PIK3R3: variants seen among roughly 807,000 people sequenced by gnomAD.
PIK3R3 encodes phosphatidylinositol 3-kinase regulatory subunit gamma.
In PIK3R3, 64 loss-of-function variants were observed where a neutral mutation model predicts 62.9. That is an observed-to-expected ratio of 1.02 (90% CI 0.83 to 1.25). The LOEUF (loss-of-function observed/expected upper bound fraction) is 1.25, where lower values mean the gene tolerates loss of function less well. Among genes scored for constraint, PIK3R3 ranks in the 50% most tolerant of loss-of-function variants. The pLI, the probability that PIK3R3 is intolerant of heterozygous loss-of-function variation, is 0.00. For missense variants in PIK3R3, 614 were observed against 561.6 expected, an observed-to-expected ratio of 1.09 and a Z score of -0.94; for synonymous variants, 165 against 189.0, an observed-to-expected ratio of 0.87 and a Z score of 1.04.
chr1:46,071,730 T>TATATATAG lies in PIK3R3; in HGVS notation c.315-4640_315-4639insCTATATAT, dbSNP rs1163343399. Among the ~76,000 whole-genome samples, 74 of 59,056 alleles carry TATATATAG rather than the reference T, an allele frequency of 1.3e-3. 1 individual carries two copies. The highest frequency in any genetic ancestry group is 2.1e-3 in the African/African-American group (26 of 12,680). The allele number at this position is 59,056 out of a possible 152,430, so 38.7% of individuals were successfully genotyped here. A position where few individuals can be genotyped will look rare whatever the true frequency, so the allele number is the denominator to read the frequency against. ...AAAAAAAAATATATATATATATATATAGAGAGAGAGAGAGAGAGAGAGAGA... is the reference window on the plus strand; with the variant it reads ...AAAAAAAAATATATATATATATATATATATATAGAGAGAGAGAGAGAGAGAGAGAGAGA... On this transcript the variant is annotated intron_variant, in intron 3 of 9. Transcript: ENST00000262741.
intron 3 of PIK3R3, among the ~76,000 whole-genome samples, chr1:46,076,990 C>T (rs181866669): frequency 1.3e-5 from 2 of 152,076 alleles, no homozygotes; most frequent in African/African-American, 4.8e-5. Context: ...ATTTCTCATG[C>T]AGTTTTCTTA....
At chr1:46,096,689 CAGTT>C (rs1652154985) in intron 1 of PIK3R3, among the ~76,000 whole-genome samples, 1 of 151,856 alleles carries the variant, frequency 6.6e-6, no homozygotes, top group South Asian at 2.1e-4. Flanking sequence ...CCGAGGTCAA[CAGTT>C]AGAGAGCAGC....
chr1:46,056,872 TA>T, intron 6 of PIK3R3: 1 of 152,208 alleles, frequency 6.6e-6, no homozygotes, highest in East Asian at 1.9e-4. Context: ...ACACAACAGT[TA>T]AGAACAATGG....
the PIK3R3 span, among the ~76,000 whole-genome samples, chr1:46,147,660 C>T: frequency 5.3e-5 from 8 of 150,864 alleles, no homozygotes; most frequent in East Asian, 2.0e-4. Flanking sequence ...CTCCTGACCT[C>T]GTGATCCGCC....
intron 3 of PIK3R3, among the ~76,000 whole-genome samples, chr1:46,072,626 A>G (rs1204835792): frequency 1.3e-5 from 2 of 152,226 alleles, no homozygotes; most frequent in Non-Finnish European, 2.9e-5. Context: ...ACCATTTTCC[A>G]GATAAATAAG....
At chr1:46,105,247 T>TA (rs1392399358) in intron 1 of PIK3R3, 3 of 353,574 alleles carry the variant, frequency 8.5e-6, no homozygotes, top group African/African-American at 6.3e-5. Context: ...CTCACACCTG[T>TA]AATCCCAGAA....
chr1:46,052,070 G>A (rs953193641), intron 7 of PIK3R3, among the ~76,000 whole-genome samples: 2 of 151,932 alleles, frequency 1.3e-5, no homozygotes, highest in African/African-American at 2.4e-5. Context: ...CCCGGGAGGC[G>A]GAGCTTGCAG....
chr1:46,073,316 T>C (rs1649720766), intron 3 of PIK3R3, among the ~76,000 whole-genome samples: 2 of 152,204 alleles, frequency 1.3e-5, no homozygotes, highest in South Asian at 4.1e-4. Flanking sequence ...AATTTTTCAA[T>C]TGAGTGACTG....
At chr1:46,162,091 C>CAAA in the PIK3R3 span, among the ~76,000 whole-genome samples, 2 of 58,106 alleles carry the variant, frequency 3.4e-5, no homozygotes, top group East Asian at 8.6e-4. Flanking sequence ...GACTCCGTCT[C>CAAA]AAAAAAAAAA....
chr1:46,167,529 T>C, the PIK3R3 span, among the ~76,000 whole-genome samples: 2 of 152,142 alleles, frequency 1.3e-5, no homozygotes, highest in Non-Finnish European at 2.9e-5. Flanking sequence ...GTGTCTTGGA[T>C]TAAAGGAAAC....
At chr1:46,137,401 C>T (rs868370590), upstream of PIK3R3, among the ~76,000 whole-genome samples, 1 of 152,216 alleles carries the variant, frequency 6.6e-6, no homozygotes, top group Middle Eastern at 3.2e-3. Flanking sequence ...TGATCTCTAA[C>T]CATGTGCAGG....
chr1:46,110,808 A>T (rs1653675270), intron 1 of PIK3R3, among the ~76,000 whole-genome samples: 1 of 151,428 alleles, frequency 6.6e-6, no homozygotes, highest in African/African-American at 2.4e-5. Flanking sequence ...GTGGAATTTT[A>T]CTGAGACACA....
chr1:46,079,547 C>T (rs1389771037), intron 2 of PIK3R3, among the ~76,000 whole-genome samples: 1 of 152,148 alleles, frequency 6.6e-6, no homozygotes, highest in Non-Finnish European at 1.5e-5. Context: ...ATGTTAAGTA[C>T]CCACAAATAT....
chr1:46,101,323 A>G lies in PIK3R3; in HGVS notation c.107-20573T>C, dbSNP rs770182348. On this transcript the variant is annotated intron_variant, in intron 1 of 9. Coordinates refer to ENST00000262741, the MANE Select transcript of PIK3R3 (RefSeq NM_003629.4). The stretch of plus-strand genomic sequence containing the variant: ...ATCCTCACCAACATGGTGAAACCCC[A>G]TCTCTACTAAAAATACAAAAAAAGT... 2.4e-4 allele frequency among the ~76,000 whole-genome samples: 37 copies of G among 151,938 alleles called. 1 individual carries two copies. The highest frequency in any genetic ancestry group is 3.4e-3 in the Middle Eastern group (1 of 294).
chr1:46,057,832 G>A (rs1214692463), intron 6 of PIK3R3, among the ~76,000 whole-genome samples: 1 of 152,128 alleles, frequency 6.6e-6, no homozygotes, highest in Non-Finnish European at 1.5e-5. Context: ...TTTGCAGCCT[G>A]ACAATGCAAT....
Position 46,041,451 on chromosome 1 carries a change from C to G in PIK3R3, c.*2222G>C, listed in dbSNP as rs1288522615. On this transcript the variant is annotated 3_prime_UTR_variant, in exon 10 of 10. Transcript: ENST00000262741. Reference sequence around the variant, plus strand: ...AGCCCAAGTGTAGATAAAGATGGTACTTGGTCTCTCCCTGCACACCGCTGG... The same window carrying G: ...AGCCCAAGTGTAGATAAAGATGGTAGTTGGTCTCTCCCTGCACACCGCTGG... 5.8e-6 allele frequency: 1 copy of G among 173,870 alleles called. No homozygotes were observed. Among genetic ancestry groups the G allele is most frequent in the African/African-American group, 2.4e-5 (1 of 42,022 alleles). 10.8% of individuals were successfully genotyped at this position (173,870 alleles called of 1,614,324 possible).
intron 2 of PIK3R3, among the ~76,000 whole-genome samples, chr1:46,078,668 GGACTCA>G (rs1650294844): frequency 6.6e-6 from 1 of 151,954 alleles, no homozygotes; most frequent in Non-Finnish European, 1.5e-5. Context: ...CTGAAAGCAG[GGACTCA>G]GATATGTGTG....
intron 7 of PIK3R3, chr1:46,048,206 C>A (rs1647168215): frequency 6.6e-6 from 1 of 152,202 alleles, no homozygotes; most frequent in Non-Finnish European, 1.5e-5. Context: ...CATAGACATT[C>A]AATTGTCAGT....
chr1:46,079,888 AG>A (rs113206935), intron 2 of PIK3R3, among the ~76,000 whole-genome samples: 30,754 of 150,224 alleles, frequency 0.2, 3,579 homozygotes, highest in Non-Finnish European at 0.26. Flanking sequence ...CAAGAGGCGG[AG>A]GTTGCAGTAA....
Sources: gnomAD v4.1 joint callset for allele counts (sites outside exome capture counted in the v4.1 genomes callset) on GRCh38, gnomAD v4.1.1 for gene constraint, MANE v1.5 for transcripts, NCBI Gene and HGNC (gene_info 2026-07-23, HGNC 2026-07-21) for gene names.